The following VPS16 variants were observed in gnomAD, a reference collection of about 807,000 sequenced individuals.
VPS16 encodes VPS16 core subunit of CORVET and HOPS complexes, also known as vacuolar protein sorting-associated protein 16 homolog.
In VPS16, 82 loss-of-function variants were observed where a neutral mutation model predicts 116.0. The ratio of observed to expected loss-of-function variants is 0.71; its 90% CI spans 0.59 to 0.85. VPS16 has a LOEUF of 0.85. VPS16 is among the 40% of genes least tolerant of loss of function. The pLI, the probability that VPS16 is intolerant of heterozygous loss-of-function variation, is 0.00. For missense variants in VPS16, 928 were observed against 1,090.6 expected (o/e 0.85, Z 2.10); for synonymous variants, 406 against 420.7 (o/e 0.96, Z 0.43).
chr20:2,865,493 C>T lies in VPS16; in HGVS notation c.2269C>T (p.Leu757=). The change falls in exon 22 of 24, where the codon CTG becomes TTG. Residue 757 remains leucine, a splice_region_variant and synonymous_variant. Coordinates refer to ENST00000380445, the MANE Select transcript of VPS16 (RefSeq NM_022575.4). The surrounding 1 kb of genome is among the most constrained non-coding windows in gnomAD (Gnocchi z 5.2). ...SKSKKSPIGY[L]PFVEICMKQH... is the part of the protein sequence containing the mutation. ...GAGCAAGAAATCACCCATTGGCTAC[C>T]TGGTGAGGCAGGGTCCTCCCTCCAG... is the stretch of plus-strand genomic sequence containing the variant. 6.2e-7 allele frequency: 1 copy of T among 1,613,442 alleles called. No homozygotes were observed. Among genetic ancestry groups the T allele is most frequent in the Non-Finnish European group, 8.5e-7 (1 of 1,179,672 alleles).
chr20:2,846,162 G>C (rs1203560916), intron 1 of VPS16, among the ~76,000 whole-genome samples: 1 of 143,364 alleles, frequency 7.0e-6, no homozygotes, highest in Non-Finnish European at 1.5e-5. Flanking sequence ...TGTCGCCCAG[G>C]CTGGAGTGCA....
In VPS16 at chr20:2,864,100, C is replaced by T. The variant is rs764013154; in HGVS notation, c.1611+17C>T. On this transcript the variant is annotated intron_variant, in intron 16 of 23. Transcript: ENST00000380445. The surrounding 1 kb of genome is among the most constrained non-coding windows in gnomAD (Gnocchi z 5.2). ...GCCATCAAGGTGTGGGTGCCCAGCC[C>T]TCCACAGACACTCTGATGTGGTTGT... is the stretch of plus-strand genomic sequence containing the variant. 65 of 1,613,564 alleles carry T rather than the reference C, an allele frequency of 4.0e-5. No homozygotes were observed. Among genetic ancestry groups the T allele is most frequent in the Non-Finnish European group, 5.4e-5 (64 of 1,179,626 alleles).
intron 8 of VPS16, 89 bp from the exon 9 acceptor site, chr20:2,861,526 G>T: frequency 6.8e-7 from 1 of 1,474,946 alleles, no homozygotes; most frequent in Non-Finnish European, 9.1e-7. Flanking sequence ...AGTGTATACA[G>T]GCTGTCCCGA....
At position 2,865,018 on chromosome 20, in the gene VPS16, A is replaced by G. The variant is rs763351671; in HGVS notation, c.1967A>G (p.Asp656Gly). 4 of 1,614,144 alleles carry G rather than the reference A, an allele frequency of 2.5e-6. No individual in the cohort carries two copies. The highest frequency in any genetic ancestry group is 3.4e-6 in the Non-Finnish European group (4 of 1,180,026). The change falls in exon 20 of 24, where the codon GAT becomes GGT. Residue 656 changes from aspartate (D) to glycine (G), a missense_variant. Asp to Gly is a moderately conservative substitution (Grantham distance 94). Transcript: ENST00000380445. This position sits in a 1 kb window ranked among gnomAD's most constrained non-coding sequence, Gnocchi z 5.2. ...GRVAALQTAA[D>G]AFYKAKNEFA... ...GTAGCAGCTCTGCAGACAGCCGCCGATGCCTTCTACAAGGCCAAGAATGAG... is the reference window on the plus strand; with the variant it reads ...GTAGCAGCTCTGCAGACAGCCGCCGGTGCCTTCTACAAGGCCAAGAATGAG...
intron 2 of VPS16, 111 bp downstream of exon 2, chr20:2,859,918 C>A: frequency 6.8e-7 from 1 of 1,480,466 alleles, no homozygotes. Context: ...CCCACTCACC[C>A]TGCTGAGATG....
At chr20:2,851,083 C>T (rs892596755) in intron 1 of VPS16, among the ~76,000 whole-genome samples, 1 of 152,078 alleles carries the variant, frequency 6.6e-6, no homozygotes, top group African/African-American at 2.4e-5. Context: ...TGTCTTCAGG[C>T]TAGGGTTCAG....
chr20:2,853,715 C>T (rs1029315605), intron 1 of VPS16, among the ~76,000 whole-genome samples: 1 of 152,004 alleles, frequency 6.6e-6, no homozygotes, highest in Non-Finnish European at 1.5e-5. Flanking sequence ...TTCTGTCACC[C>T]AGGCTGGAGT....
At chr20:2,845,757 A>G (rs1486286603) in intron 1 of VPS16, among the ~76,000 whole-genome samples, 1 of 152,076 alleles carries the variant, frequency 6.6e-6, no homozygotes, top group Non-Finnish European at 1.5e-5. Flanking sequence ...TGTACCCTCA[A>G]ACAACTCCCC....
rs758449933 is a variant in VPS16, at chr20:2,865,130, C to T, written c.2005-18C>T. 4.3e-6 allele frequency: 7 copies of T among 1,614,174 alleles called. No homozygotes were observed. The highest frequency in any genetic ancestry group is 1.1e-5 in the South Asian group (1 of 91,086). On this transcript the variant is annotated intron_variant, in intron 20 of 23. Transcript: ENST00000380445. The surrounding 1 kb of genome is among the most constrained non-coding windows in gnomAD (Gnocchi z 5.2). ...CTGGTCCCTCATCCCCATCATGCCT[C>T]ATTATCCGGGTCCCCAGGCTACAGA...
chr20:2,861,314 G>T, intron 8 of VPS16, 34 bp downstream of exon 8: 1 of 1,613,342 alleles, frequency 6.2e-7, no homozygotes, highest in Non-Finnish European at 8.5e-7. Context: ...GGGGGTGTGG[G>T]TGAGACATAG....
intron 1 of VPS16, 98 bp from the exon 2 acceptor site, chr20:2,859,621 T>C (rs1261240036): frequency 1.9e-5 from 26 of 1,366,966 alleles, no homozygotes; most frequent in Non-Finnish European, 2.6e-5. Flanking sequence ...TCTACAGCCT[T>C]GTGGAAGACA....
intron 1 of VPS16, 114 bp from the exon 2 acceptor site, chr20:2,859,605 A>G: frequency 8.2e-7 from 1 of 1,219,330 alleles, no homozygotes; most frequent in Non-Finnish European, 1.2e-6. Context: ...GAGAGTGGAG[A>G]CTTCCTCTAC....
chr20:2,854,866 G>A (rs192526012), intron 1 of VPS16, among the ~76,000 whole-genome samples: 1 of 151,700 alleles, frequency 6.6e-6, no homozygotes, highest in East Asian at 1.9e-4. Context: ...CTGCACAATG[G>A]ATGTTGTGTT....
At chr20:2,841,441 C>G (rs912754673) in intron 1 of VPS16, among the ~76,000 whole-genome samples, 1 of 152,212 alleles carries the variant, frequency 6.6e-6, no homozygotes, top group African/African-American at 2.4e-5. Context: ...TAAGGCAGCC[C>G]GTTTGTCTCT....
chr20:2,855,424 T>C (rs1316259652), intron 1 of VPS16, among the ~76,000 whole-genome samples: 1 of 152,176 alleles, frequency 6.6e-6, no homozygotes, highest in Admixed American at 6.6e-5. Flanking sequence ...AGCATAATTC[T>C]TAAGGGTCCT....
chr20:2,844,310 TAC>T (rs751871370), intron 1 of VPS16, among the ~76,000 whole-genome samples: 1 of 152,214 alleles, frequency 6.6e-6, no homozygotes, highest in Non-Finnish European at 1.5e-5. Context: ...TGGCAGACAT[TAC>T]ATTTCAAGTC....
chr20:2,865,016 C>G lies in VPS16; in HGVS notation c.1965C>G (p.Ala655=), dbSNP rs775964539. 3 of 1,614,146 alleles carry G rather than the reference C, an allele frequency of 1.9e-6. No homozygotes were observed. The highest frequency in any genetic ancestry group is 2.5e-6 in the Non-Finnish European group (3 of 1,180,032). The change falls in exon 20 of 24, where the codon GCC becomes GCG. Residue 655 remains alanine, a synonymous_variant. Coordinates refer to ENST00000380445, the MANE Select transcript of VPS16 (RefSeq NM_022575.4). The surrounding 1 kb of genome is among the most constrained non-coding windows in gnomAD (Gnocchi z 5.2). ...GAGTAGCAGCTCTGCAGACAGCCGC[C>G]GATGCCTTCTACAAGGCCAAGAATG... ...EGRVAALQTA[A]DAFYKAKNEF...
Position 2,859,712 on chromosome 20 carries a change from T to TG in VPS16, c.54-4dup. ...AGGCTAATTTCTGCTCATCTCTGTG[T>TG]GGGCAGGAAATATGAGCTGTACAGC... On this transcript the variant is annotated splice_polypyrimidine_tract_variant and splice_region_variant and intron_variant, in intron 1 of 23. Coordinates refer to ENST00000380445, the MANE Select transcript of VPS16 (RefSeq NM_022575.4). 1 of 1,613,018 alleles carries TG rather than the reference T, an allele frequency of 6.2e-7. No individual in the cohort carries two copies. The highest frequency in any genetic ancestry group is 1.3e-5 in the African/African-American group (1 of 74,966).
At chr20:2,861,504 G>T in intron 8 of VPS16, 111 bp from the exon 9 acceptor site, 2 of 1,401,526 alleles carry the variant, frequency 1.4e-6, no homozygotes, top group East Asian at 5.0e-5. Flanking sequence ...TCAGTGTACA[G>T]TCAGTGATGC....
Sources: gnomAD v4.1 joint callset for allele counts (sites outside exome capture counted in the v4.1 genomes callset) on GRCh38, gnomAD v4.1.1 for gene constraint, Gnocchi (gnomAD v3.1) non-coding constraint, MANE v1.5 for transcripts, NCBI Gene and HGNC (gene_info 2026-07-23, HGNC 2026-07-21) for gene names.